The following CD96 variants were observed in gnomAD, a reference collection of about 807,000 sequenced individuals.
CD96 encodes T-cell surface protein tactile.
A neutral mutation model predicts 71.3 loss-of-function variants in CD96; 70 were observed. The observed-to-expected ratio is 0.98, with a 90% CI of 0.81 to 1.20. The LOEUF (loss-of-function observed/expected upper bound fraction) is 1.20, where lower values mean the gene tolerates loss of function less well. Among genes scored for constraint, CD96 ranks in the 50% most tolerant of loss-of-function variants. The pLI is 0.00. For synonymous variants in CD96, 248 were observed against 233.0 expected (o/e 1.06, Z -0.59); for missense variants, 742 against 677.5 (o/e 1.10, Z -1.06).
downstream of CD96, among the ~76,000 whole-genome samples, chr3:111,653,798 G>A (rs1398109513): frequency 6.6e-6 from 1 of 151,542 alleles, no homozygotes. Flanking sequence ...TAGCCAAAAG[G>A]CTGAGAAGCG....
intron 12 of CD96, among the ~76,000 whole-genome samples, chr3:111,643,457 G>A (rs142401266): frequency 1.3e-5 from 2 of 152,044 alleles, no homozygotes; most frequent in African/African-American, 4.8e-5. Flanking sequence ...CCTCTTCAAT[G>A]TAGTACTGGA....
intron 8 of CD96, among the ~76,000 whole-genome samples, chr3:111,618,647 C>T (rs1938369018): frequency 1.4e-5 from 2 of 147,378 alleles, no homozygotes; most frequent in Admixed American, 1.4e-4. Context: ...TACAGTGGCA[C>T]GATCTCAGCT....
chr3:111,592,795 A>C (rs1395184612), intron 5 of CD96: 1 of 152,218 alleles, frequency 6.6e-6, no homozygotes. Flanking sequence ...TCTATACTGA[A>C]TGTTTAAACT....
chr3:111,542,505 A>G (rs1214925347), intron 1 of CD96, among the ~76,000 whole-genome samples, 196 bp downstream of exon 1: 1 of 152,196 alleles, frequency 6.6e-6, no homozygotes, highest in Admixed American at 6.5e-5. Context: ...ACTAATGAAC[A>G]CTAAAAATAA....
chr3:111,598,725 A>C (rs1937363901), intron 6 of CD96, among the ~76,000 whole-genome samples: 1 of 152,194 alleles, frequency 6.6e-6, no homozygotes, highest in East Asian at 1.9e-4. Flanking sequence ...GACAAGGTAC[A>C]TGTTCCCCAG....
chr3:111,621,546 G>A (rs1212415650), intron 8 of CD96, among the ~76,000 whole-genome samples: 1 of 152,198 alleles, frequency 6.6e-6, no homozygotes, highest in East Asian at 1.9e-4. Flanking sequence ...ACAGAATTTT[G>A]AAAAGAGGTA....
intron 3 of CD96, among the ~76,000 whole-genome samples, chr3:111,569,879 G>A (rs548936702): frequency 1.6e-4 from 25 of 152,284 alleles, no homozygotes; most frequent in African/African-American, 5.1e-4. Flanking sequence ...ACTTTCCTCC[G>A]AAGGGGGACG....
At chr3:111,619,903 C>A (rs2107701377) in intron 8 of CD96, among the ~76,000 whole-genome samples, 1 of 152,348 alleles carries the variant, frequency 6.6e-6, no homozygotes, top group South Asian at 2.1e-4. Flanking sequence ...TGTTCTCCTG[C>A]TGCTTTTGTC....
intron 3 of CD96, chr3:111,570,748 C>T: frequency 4.3e-6 from 7 of 1,613,312 alleles, no homozygotes; most frequent in Admixed American, 1.7e-5. Context: ...TACTCTTCCT[C>T]CTCCTCCCCC....
chr3:111,548,405 T>C (rs910414973), intron 2 of CD96, among the ~76,000 whole-genome samples: 1 of 152,138 alleles, frequency 6.6e-6, no homozygotes, highest in African/African-American at 2.4e-5. Context: ...AGAGTGGAAA[T>C]ATAATAAACA....
chr3:111,580,061 T>C (rs1936397113), intron 4 of CD96, among the ~76,000 whole-genome samples: 1 of 152,206 alleles, frequency 6.6e-6, no homozygotes, highest in Non-Finnish European at 1.5e-5. Context: ...AAAAGGAAGG[T>C]GATAAATATA....
intron 10 of CD96, chr3:111,634,819 C>T (rs1939245534): frequency 2.0e-5 from 3 of 151,966 alleles, no homozygotes; most frequent in African/African-American, 2.4e-5. Flanking sequence ...TCACTTGAAC[C>T]CGGGAGGCAG....
intron 5 of CD96, chr3:111,592,793 G>C (rs1037169716): frequency 6.6e-6 from 1 of 152,014 alleles, no homozygotes; most frequent in East Asian, 1.9e-4. Context: ...AATCTATACT[G>C]AATGTTTAAA....
chr3:111,572,173 G>T (rs901086151), intron 3 of CD96, among the ~76,000 whole-genome samples: 1 of 152,138 alleles, frequency 6.6e-6, no homozygotes, highest in Non-Finnish European at 1.5e-5. Flanking sequence ...GGACCACCCC[G>T]AACATGCTTA....
chr3:111,619,164 C>T lies in CD96; in HGVS notation c.1181-4590C>T, dbSNP rs965888071. ...GTCACATGGAGATGACCAGAATTAG[C>T]TCTTTTAGAACATGTTTCTGTCTGC... On this transcript the variant is annotated intron_variant, in intron 8 of 13. Transcript: ENST00000352690. 2.6e-5 allele frequency among the ~76,000 whole-genome samples: 4 copies of T among 152,136 alleles called. No individual in the cohort carries two copies. The East Asian group carries it at 7.7e-4, about 29-fold the overall frequency.
downstream of CD96, among the ~76,000 whole-genome samples, chr3:111,656,800 A>AATT (rs1940240756): frequency 6.6e-6 from 1 of 152,154 alleles, no homozygotes; most frequent in Admixed American, 6.5e-5. Context: ...AAGAAGGAAA[A>AATT]ATTAAAAAAA....
chr3:111,551,804 A>G (rs1934721389), intron 2 of CD96, among the ~76,000 whole-genome samples: 1 of 152,096 alleles, frequency 6.6e-6, no homozygotes, highest in Non-Finnish European at 1.5e-5. Flanking sequence ...TATTCCTTTG[A>G]GTATATACCA....
At chr3:111,603,204 GGCTGAAGCAGGAGGATT>G (rs1180852935) in intron 7 of CD96, among the ~76,000 whole-genome samples, 6 of 152,208 alleles carry the variant, frequency 3.9e-5, no homozygotes, top group Non-Finnish European at 8.8e-5. Flanking sequence ...AACTTTGGGA[GGCTGAAGCAGGAGGATT>G]GCTTAAGTGC....
At chr3:111,619,118 G>C (rs954145382) in intron 8 of CD96, among the ~76,000 whole-genome samples, 2 of 152,158 alleles carry the variant, frequency 1.3e-5, no homozygotes, top group African/African-American at 4.8e-5. Flanking sequence ...TAGGTTAAGA[G>C]ATTCAGTTCT....
Sources: gnomAD v4.1 joint callset for allele counts (sites outside exome capture counted in the v4.1 genomes callset) on GRCh38, gnomAD v4.1.1 for gene constraint, MANE v1.5 for transcripts, NCBI Gene and HGNC (gene_info 2026-07-23, HGNC 2026-07-21) for gene names.